Variants in MYSM1 observed in about 807,000 individuals in gnomAD.
MYSM1 encodes deubiquitinase MYSM1.
MYSM1 carries 51 observed loss-of-function variants against 116.0 expected under a neutral mutation model. That is an observed-to-expected ratio of 0.44 (90% CI 0.35 to 0.56). MYSM1 has a LOEUF of 0.56. Ranked by LOEUF, MYSM1 falls within the 20% of genes least tolerant of loss-of-function variation. The probability of loss-of-function intolerance (pLI) is 0.00; values close to 1 mark genes in which losing one functional copy is unlikely to be tolerated. For missense variants in MYSM1, 900 were observed against 974.9 expected (o/e 0.92, Z 1.02); for synonymous variants, 313 against 315.2 (o/e 0.99, Z 0.07).
chr1:58,678,547 G>A (rs560936548), intron 8 of MYSM1, among the ~76,000 whole-genome samples: 7 of 152,228 alleles, frequency 4.6e-5, no homozygotes, highest in African/African-American at 1.7e-4. Context: ...TCTGAGCATT[G>A]TTTAAGAACT....
At chr1:58,688,026 A>G (rs1644853952) in intron 6 of MYSM1, among the ~76,000 whole-genome samples, 1 of 152,136 alleles carries the variant, frequency 6.6e-6, no homozygotes, top group Non-Finnish European at 1.5e-5. Context: ...AAAACACCAA[A>G]GTTGTTAGGA....
rs746288716 is a variant in MYSM1 at position 58,682,064 on chromosome 1, T to A, written c.980A>T (p.Asp327Val). Residue 327 changes from aspartate (D) to valine (V), a missense_variant, in exon 8 of 20, where the codon GAT becomes GTT. Physicochemically the swap from Asp to Val is radical, Grantham distance 152. This residue lies in a region of MYSM1 where 622 missense variants were observed against 623.7 expected (regional missense o/e 1.00). Coordinates refer to ENST00000472487, the MANE Select transcript of MYSM1 (RefSeq NM_001085487.3). ...NELIKNCNKH[D>V]GRGIIVDARQ... ...GGCATCAACTATTATTCCCCTTCCA[T>A]CATGCTTGTTGCAGTTTTTAATCAA... 2 of 1,614,182 alleles carry A rather than the reference T, an allele frequency of 1.2e-6. No individual in the cohort carries two copies. The highest frequency in any genetic ancestry group is 2.2e-5 in the South Asian group (2 of 91,086).
chr1:58,699,535 T>G, intron 1 of MYSM1: 19 of 770,524 alleles, frequency 2.5e-5, no homozygotes, highest in Non-Finnish European at 3.0e-5. Context: ...TCTCGGGAAG[T>G]TTTACAACTA....
chr1:58,668,527 T>A, intron 14 of MYSM1, 105 bp downstream of exon 14: 1 of 1,423,226 alleles, frequency 7.0e-7, no homozygotes, highest in Non-Finnish European at 9.2e-7. Flanking sequence ...AGAGGACAGT[T>A]AAGATCCAAA....
intron 11 of MYSM1, 61 bp downstream of exon 11, chr1:58,673,512 G>A (rs1569738317): frequency 7.8e-7 from 1 of 1,280,300 alleles, no homozygotes; most frequent in Non-Finnish European, 1.1e-6. Flanking sequence ...ACATTAAGAT[G>A]TACAAATATA....
rs757243968 is a variant in MYSM1, at chr1:58,667,164, T to C, written c.1905A>G (p.Val635=). 3.7e-6 allele frequency: 6 copies of C among 1,613,212 alleles called. No homozygotes were observed. The Admixed American group carries it at 5.0e-5, about 13-fold the overall frequency. Residue 635 remains valine (V), a synonymous_variant, in exon 16 of 20, where the codon GTA becomes GTG. Transcript: ENST00000472487. The part of the protein sequence containing the change: ...STGLQCEMDP[V]SQTQASETLA... ...AGGTTTCTGAGGCCTGTGTTTGTGATACAGGATCCATCTCACACTGTAGTC... is the reference window on the plus strand; with the variant it reads ...AGGTTTCTGAGGCCTGTGTTTGTGACACAGGATCCATCTCACACTGTAGTC...
chr1:58,668,905 A>T (rs1644513194), intron 13 of MYSM1, 79 bp downstream of exon 13: 8 of 1,143,072 alleles, frequency 7.0e-6, no homozygotes, highest in Admixed American at 2.6e-5. Context: ...CCTTGCACAT[A>T]CGGAAAAAGA....
intron 1 of MYSM1, 102 bp downstream of exon 1, chr1:58,699,883 T>G (rs1569823598): frequency 6.4e-7 from 1 of 1,563,432 alleles, no homozygotes; most frequent in East Asian, 2.3e-5. Context: ...GGGGACAGTC[T>G]TCTGTTCCCT....
Position 58,692,883 on chromosome 1 carries a change from C to T in MYSM1, c.196G>A (p.Glu66Lys), listed in dbSNP as rs2100679007. The change falls in exon 3 of 20, where the codon GAG (glutamate) becomes AAG (lysine). Residue 66 changes from glutamate to lysine, a missense_variant. Transcript: ENST00000472487. Reference protein sequence around the residue: ...TISEENRAVIEKMLLEEEYYL... With the variant: ...TISEENRAVIKKMLLEEEYYL... The stretch of plus-strand genomic sequence containing the variant: ...TACTCTTCTTCCAACAACATTTTCT[C>T]AATAACAGCTCTGTTCTCTTCACTG... The T allele has an allele frequency of 6.2e-7, 1 of 1,610,344 alleles. No individual in the cohort carries two copies. The highest frequency in any genetic ancestry group is 8.5e-7 in the Non-Finnish European group (1 of 1,178,550).
Position 58,667,020 on chromosome 1 carries a change from TA to T in MYSM1, c.2031+17del. ...GGGGTGTGCAACCATTTACAGAATA[TA>T]AATATACATGTAATACCTGGTATTT... On this transcript the variant is annotated intron_variant, in intron 16 of 19. Transcript: ENST00000472487. The T allele has an allele frequency of 1.3e-6, 2 of 1,536,894 alleles. No individual in the cohort carries two copies. Among genetic ancestry groups the T allele is most frequent in the Non-Finnish European group, 8.9e-7 (1 of 1,121,598 alleles).
At chr1:58,684,077 G>A (rs1363066771) in intron 7 of MYSM1, among the ~76,000 whole-genome samples, 2 of 152,002 alleles carry the variant, frequency 1.3e-5, no homozygotes, top group African/African-American at 4.8e-5. Flanking sequence ...GCTTCTGTTT[G>A]GTTGAAAGAT....
At chr1:58,666,312 T>C (rs1644468722) in intron 16 of MYSM1, among the ~76,000 whole-genome samples, 1 of 152,180 alleles carries the variant, frequency 6.6e-6, no homozygotes, top group South Asian at 2.1e-4. Flanking sequence ...ACATATCAAG[T>C]GTAAAATCCC....
intron 2 of MYSM1, among the ~76,000 whole-genome samples, chr1:58,694,184 A>C (rs1442616454): frequency 6.6e-6 from 1 of 152,124 alleles, no homozygotes; most frequent in African/African-American, 2.4e-5. Flanking sequence ...TTCCTTCAAA[A>C]TCTATTATTA....
chr1:58,678,960 T>C (rs574712267), intron 8 of MYSM1, among the ~76,000 whole-genome samples: 81 of 152,300 alleles, frequency 5.3e-4, no homozygotes, highest in Non-Finnish European at 1.0e-3. Context: ...TCATTTTTCT[T>C]ATCTATAAAG....
chr1:58,698,825 C>A (rs41351149), intron 1 of MYSM1, among the ~76,000 whole-genome samples: 3,187 of 152,216 alleles, frequency 0.021, 95 homozygotes, highest in African/African-American at 0.071. Flanking sequence ...GGGACAATGA[C>A]CATATGAGTT....
intron 12 of MYSM1, among the ~76,000 whole-genome samples, chr1:58,670,335 G>C (rs947624335): frequency 1.3e-5 from 2 of 152,186 alleles, no homozygotes; most frequent in Non-Finnish European, 2.9e-5. Context: ...TGTTTGTTGA[G>C]GAACTGCAGA....
chr1:58,673,515 C>T (rs879129168), intron 11 of MYSM1, 58 bp downstream of exon 11: 1 of 1,326,808 alleles, frequency 7.5e-7, no homozygotes, highest in Non-Finnish European at 1.1e-6. Context: ...TTAAGATGTA[C>T]AAATATATAT....
chr1:58,682,972 G>A (rs1056021300), intron 7 of MYSM1, among the ~76,000 whole-genome samples: 75 of 152,304 alleles, frequency 4.9e-4, no homozygotes, highest in African/African-American at 1.8e-3. Flanking sequence ...TGGGATTACA[G>A]GCAATGTGTT....
In MYSM1 at chr1:58,659,356, A is replaced by G. The variant is rs1644360748; in HGVS notation, c.*641T>C. ...TTGGTTAAAAATTTTCAGATAGCTG[A>G]GAAAATGGCATATCTTATGATACTA... is the stretch of plus-strand genomic sequence containing the variant. On this transcript the variant is annotated 3_prime_UTR_variant, in exon 20 of 20. Transcript: ENST00000472487. 6.6e-6 allele frequency: 1 copy of G among 152,202 alleles called. No homozygotes were observed. 9.4% of individuals were successfully genotyped at this position (152,202 alleles called of 1,614,324 possible).
Sources: gnomAD v4.1 joint callset for allele counts (sites outside exome capture counted in the v4.1 genomes callset) on GRCh38, gnomAD v4.1.1 for gene constraint, gnomAD v4.1.1 regional missense constraint, MANE v1.5 for transcripts, NCBI Gene and HGNC (gene_info 2026-07-23, HGNC 2026-07-21) for gene names.